IL17RC: variants seen among roughly 807,000 people sequenced by gnomAD.
IL17RC encodes the protein interleukin-17 receptor C.
In IL17RC, 53 loss-of-function variants were observed where a neutral mutation model predicts 86.7. The ratio of observed to expected loss-of-function variants is 0.61; its 90% confidence interval spans 0.49 to 0.77. The LOEUF is 0.77. IL17RC is among the 30% of genes least tolerant of loss of function. The probability of loss-of-function intolerance (pLI) is 0.00; values close to 1 mark genes in which losing one functional copy is unlikely to be tolerated. For missense variants in IL17RC, 957 were observed against 940.0 expected, an observed-to-expected ratio of 1.02 and a Z score of -0.24; for synonymous variants, 439 against 413.1, an observed-to-expected ratio of 1.06 and a Z score of -0.76.
chr3:9,926,363 G>A (rs1194775872), intron 9 of IL17RC, among the ~76,000 whole-genome samples: 1 of 151,932 alleles, frequency 6.6e-6, no homozygotes, highest in Non-Finnish European at 1.5e-5. Flanking sequence ...TGTGGCGATG[G>A]GCCACCACAC....
chr3:9,931,871 T>TA (rs36000537), intron 16 of IL17RC, among the ~76,000 whole-genome samples: 38,090 of 116,406 alleles, frequency 0.33, 6,589 homozygotes, highest in African/African-American at 0.55. Flanking sequence ...CAATTGGAGG[T>TA]AAAAAAAAAA....
At chr3:9,924,172 T>A in intron 8 of IL17RC, 60 bp from the exon 9 acceptor site, 2 of 1,610,764 alleles carry the variant, frequency 1.2e-6, no homozygotes, top group Non-Finnish European at 1.7e-6. Context: ...TTTCCTTGAC[T>A]TTGGCCTCCT....
rs2083177870 is a variant in IL17RC at position 9,917,484 on chromosome 3, C to T, written c.105+64C>T. ...GGTTCAGTTTTTGGCTCAGCAAAGC[C>T]TTAGCCTGGCTCCTGTCACTGCTGC... On this transcript the variant is annotated intron_variant, in intron 1 of 18. Coordinates refer to ENST00000403601, the MANE Select transcript of IL17RC (RefSeq NM_153460.4). 6.2e-7 allele frequency: 1 copy of T among 1,614,210 alleles called. No homozygotes were observed. The highest frequency in any genetic ancestry group is 8.5e-7 in the Non-Finnish European group (1 of 1,180,012).
At chr3:9,929,931 C>T (rs374131518) in intron 13 of IL17RC, 34 bp downstream of exon 13, 16 of 1,613,674 alleles carry the variant, frequency 9.9e-6, no homozygotes, top group African/African-American at 1.3e-5. Context: ...GGGGCAGGGC[C>T]ACCTCCTAGG....
chr3:9,925,318 G>C lies in IL17RC; in HGVS notation c.822+1027G>C, dbSNP rs138711119. 3.3e-5 allele frequency among the ~76,000 whole-genome samples: 5 copies of C among 151,804 alleles called. No individual in the cohort carries two copies. In the East Asian group the frequency reaches 9.7e-4, roughly 29 times the overall value. On this transcript the variant is annotated intron_variant, in intron 9 of 18. Coordinates refer to ENST00000403601, the MANE Select transcript of IL17RC (RefSeq NM_153460.4). ...TTTTCAGTAAAGACAGGGTTTCACC[G>C]TGTTAGCCAGGATGGTCTCGATCTC...
rs1338155243 is a variant in IL17RC at position 9,918,535 on chromosome 3, G to A, written c.391G>A (p.Ala131Thr). 2 of 1,614,126 alleles carry A rather than the reference G, an allele frequency of 1.2e-6. No individual in the cohort carries two copies. The highest frequency in any genetic ancestry group is 4.5e-5 in the East Asian group (2 of 44,886). Residue 131 changes from alanine (A) to threonine (T), a missense_variant, in exon 5 of 19, where the codon GCC becomes ACC. By Grantham distance (58) the Ala-to-Thr change is moderately conservative (BLOSUM62 0). Transcript: ENST00000403601. ...GGCCCAAGTCGTGCTCTCCTTCCAGGCCTACCCTACTGCCCGCTGCGTCCT... is the reference window on the plus strand; with the variant it reads ...GGCCCAAGTCGTGCTCTCCTTCCAGACCTACCCTACTGCCCGCTGCGTCCT... ...LQAQVVLSFQ[A>T]YPTARCVLLE...
Position 9,930,374 on chromosome 3 carries a change from A to G in IL17RC, c.1279-26A>G, listed in dbSNP as rs1320953648. The G allele has an allele frequency of 1.9e-6, 3 of 1,613,640 alleles. No homozygotes were observed. The highest frequency in any genetic ancestry group is 2.5e-6 in the Non-Finnish European group (3 of 1,179,724). ...CCTAAGGGTGCTACCTCCAGGTAAC[A>G]GTGCCCCCATCCTTTGGCTTGGCAG... On this transcript the variant is annotated intron_variant, in intron 14 of 18. Transcript: ENST00000403601. The surrounding 1 kb of genome is among the most constrained non-coding windows in gnomAD (Gnocchi z 5.8).
rs761009750 is a variant in IL17RC at position 9,917,266 on chromosome 3, G to T, written c.-50G>T. 19 of 1,464,840 alleles carry T rather than the reference G, an allele frequency of 1.3e-5. No homozygotes were observed. Among genetic ancestry groups the T allele is most frequent in the South Asian group, 2.5e-5 (2 of 79,984 alleles). The allele number at this position is 1,464,840 out of a possible 1,614,324, so 90.7% of individuals were successfully genotyped here. A position where few individuals can be genotyped will look rare whatever the true frequency, so the allele number is the denominator to read the frequency against. On this transcript the variant is annotated 5_prime_UTR_variant, in exon 1 of 19. Transcript: ENST00000403601. ...TGACTGGGGTGTCTGCCCCCCTTGG[G>T]GGGGGGCAGCACAGGGCCTCAGGCC...
chr3:9,924,412 C>T, intron 9 of IL17RC, 121 bp downstream of exon 9: 1 of 980,802 alleles, frequency 1.0e-6, no homozygotes, highest in Non-Finnish European at 1.6e-6. Flanking sequence ...CTGTGGCTCC[C>T]TGGGGTGGCT....
Position 9,933,425 on chromosome 3 carries a change from C to A in IL17RC, c.1995C>A (p.Ala665=). The A allele has an allele frequency of 6.2e-7, 1 of 1,613,212 alleles. No individual in the cohort carries two copies. Among genetic ancestry groups the A allele is most frequent in the Non-Finnish European group, 8.5e-7 (1 of 1,179,830 alleles). Residue 665 remains alanine (A), a synonymous_variant, in exon 19 of 19, where the codon GCC becomes GCA. Transcript: ENST00000403601. ...LPSQLPDFLG[A]LQQPRAPRSG... ...CCCAACTGCCAGACTTCCTGGGGGC[C>A]CTGCAGCAGCCTCGCGCCCCGCGTT...
intron 9 of IL17RC, among the ~76,000 whole-genome samples, chr3:9,924,814 T>C (rs963126463): frequency 2.0e-5 from 3 of 152,206 alleles, no homozygotes; most frequent in African/African-American, 7.2e-5. Context: ...CATTTATTTA[T>C]TTTTTTAGAC....
Position 9,917,362 on chromosome 3 carries a change from C to T in IL17RC, c.47C>T (p.Pro16Leu), listed in dbSNP as rs569784279. 6.2e-7 allele frequency: 1 copy of T among 1,614,186 alleles called. No individual in the cohort carries two copies. Among genetic ancestry groups the T allele is most frequent in the African/African-American group, 1.3e-5 (1 of 75,054 alleles). The change falls in exon 1 of 19, where the codon CCA becomes CTA. Residue 16 changes from proline to leucine, a missense_variant. Coordinates refer to ENST00000403601, the MANE Select transcript of IL17RC (RefSeq NM_153460.4). ...CTGTCCTTGGCACTGGGCCGAAGCC[C>T]AGTGGTCCTTTCTCTGGAGAGGCTT... Reference protein sequence around the residue: ...FLLSLALGRSPVVLSLERLVG... With the variant: ...FLLSLALGRSLVVLSLERLVG...
intron 8 of IL17RC, 40 bp from the exon 9 acceptor site, chr3:9,924,192 C>G: frequency 1.2e-6 from 2 of 1,613,270 alleles, no homozygotes; most frequent in Non-Finnish European, 1.7e-6. Context: ...TCCTCTTCCT[C>G]CTTATCTTCT....
chr3:9,929,767 C>A (rs2084476730), intron 12 of IL17RC, 85 bp from the exon 13 acceptor site: 1 of 1,445,606 alleles, frequency 6.9e-7, no homozygotes, highest in Non-Finnish European at 9.7e-7. Context: ...ACCCAACAGG[C>A]CTTCTGTTGC....
At position 9,933,244 on chromosome 3, in the gene IL17RC, C is replaced by G; in HGVS notation, c.1814C>G (p.Pro605Arg). Residue 605 changes from proline (P) to arginine (R), a missense_variant, in exon 19 of 19, where the codon CCG (proline) becomes CGG (arginine). Physicochemically the swap from Pro to Arg is moderately radical, Grantham distance 103. Coordinates refer to ENST00000403601, the MANE Select transcript of IL17RC (RefSeq NM_153460.4). ...DGVSGPGAHG[P>R]HDAFRASLSC... ...GTGTCCGGGCCCGGGGCGCACGGCC[C>G]GCACGACGCCTTCCGCGCCTCGCTC... is the stretch of plus-strand genomic sequence containing the variant. 6.2e-7 allele frequency: 1 copy of G among 1,604,902 alleles called. No individual in the cohort carries two copies. Among genetic ancestry groups the G allele is most frequent in the Non-Finnish European group, 8.5e-7 (1 of 1,176,282 alleles).
chr3:9,917,454 C>T, intron 1 of IL17RC, 34 bp downstream of exon 1: 1 of 1,614,230 alleles, frequency 6.2e-7, no homozygotes, highest in Non-Finnish European at 8.5e-7. Flanking sequence ...CGAGGAAAGG[C>T]TCAGGGTTCA....
In IL17RC at chr3:9,933,473, G is replaced by A. The variant is rs762979312; in HGVS notation, c.2043G>A (p.Ala681=). Residue 681 remains alanine (A), a synonymous_variant, in exon 19 of 19, where the codon GCG becomes GCA. Coordinates refer to ENST00000403601, the MANE Select transcript of IL17RC (RefSeq NM_153460.4). ...APRSGRLQER[A]EQVSRALQPA... Reference sequence around the variant, plus strand: ...GTTCCGGGCGGCTCCAAGAGAGAGCGGAGCAAGTGTCCCGGGCCCTTCAGC... The same window carrying A: ...GTTCCGGGCGGCTCCAAGAGAGAGCAGAGCAAGTGTCCCGGGCCCTTCAGC... The A allele has an allele frequency of 6.8e-6, 11 of 1,612,582 alleles. No individual in the cohort carries two copies. Among genetic ancestry groups the A allele is most frequent in the Non-Finnish European group, 8.5e-6 (10 of 1,179,680 alleles).
At chr3:9,931,261 G>A (rs974505102) in intron 16 of IL17RC, among the ~76,000 whole-genome samples, 1 of 151,860 alleles carries the variant, frequency 6.6e-6, no homozygotes, top group African/African-American at 2.4e-5. Flanking sequence ...CCTGACCTGG[G>A]TGGGGTGAGG....
At chr3:9,927,935 C>T (rs1023576097) in intron 9 of IL17RC, among the ~76,000 whole-genome samples, 19 of 150,450 alleles carry the variant, frequency 1.3e-4, no homozygotes, top group East Asian at 3.9e-4. Flanking sequence ...GGCGACAGAG[C>T]GAGACTCTAT....
Sources: gnomAD v4.1 joint callset for allele counts (sites outside exome capture counted in the v4.1 genomes callset) on GRCh38, gnomAD v4.1.1 for gene constraint, Gnocchi (gnomAD v3.1) non-coding constraint, MANE v1.5 for transcripts, NCBI Gene and HGNC (gene_info 2026-07-23, HGNC 2026-07-21) for gene names.